SYT14: variants seen among roughly 807,000 people sequenced by gnomAD.
SYT14 encodes the protein synaptotagmin 14, also known as synaptotagmin-14.
SYT14 carries 32 observed loss-of-function variants against 74.2 expected under a neutral mutation model. The ratio of observed to expected loss-of-function variants is 0.43; its 90% confidence interval spans 0.33 to 0.58. SYT14 has a LOEUF of 0.58. SYT14 is among the 20% of genes least tolerant of loss of function. SYT14 has a pLI of 0.05. For missense variants in SYT14, 791 were observed against 981.8 expected, an observed-to-expected ratio of 0.81 and a Z score of 2.60; for synonymous variants, 298 against 337.7, an observed-to-expected ratio of 0.88 and a Z score of 1.29.
intron 5 of SYT14, among the ~76,000 whole-genome samples, chr1:210,090,725 C>T (rs1394025470): frequency 1.3e-5 from 2 of 151,962 alleles, no homozygotes; most frequent in Admixed American, 6.5e-5. Context: ...TTGATGTTTA[C>T]AGTGTAATTT....
At chr1:210,053,661 G>A (rs2081043971) in intron 5 of SYT14, among the ~76,000 whole-genome samples, 1 of 152,120 alleles carries the variant, frequency 6.6e-6, no homozygotes, top group Non-Finnish European at 1.5e-5. Flanking sequence ...GCATTCATTA[G>A]GTAATTTTGT....
chr1:209,971,051 A>G (rs1464990110), intron 2 of SYT14, among the ~76,000 whole-genome samples: 4 of 152,066 alleles, frequency 2.6e-5, no homozygotes, highest in Admixed American at 2.0e-4. Flanking sequence ...TGTATCATCT[A>G]TGATTTCTTT....
intron 5 of SYT14, among the ~76,000 whole-genome samples, chr1:210,093,398 G>C (rs981715532): frequency 2.1e-5 from 3 of 145,086 alleles, no homozygotes; most frequent in Non-Finnish European, 4.4e-5. Flanking sequence ...TTAATGTTTA[G>C]TATTGCATTC....
At chr1:210,039,697 A>G (rs889680770) in intron 5 of SYT14, among the ~76,000 whole-genome samples, 6 of 152,162 alleles carry the variant, frequency 3.9e-5, no homozygotes, top group Non-Finnish European at 7.4e-5. Flanking sequence ...AAAACAAACA[A>G]CTTCATCGAA....
intron 5 of SYT14, among the ~76,000 whole-genome samples, chr1:210,077,554 T>G (rs964451659): frequency 2.6e-5 from 4 of 152,222 alleles, no homozygotes; most frequent in Non-Finnish European, 5.9e-5. Context: ...TGTGAATATA[T>G]GTACAAAAAA....
At chr1:210,152,516 A>G (rs1246537834) in intron 7 of SYT14, among the ~76,000 whole-genome samples, 3 of 152,140 alleles carry the variant, frequency 2.0e-5, no homozygotes, top group Non-Finnish European at 4.4e-5. Context: ...TCATTTGTGT[A>G]TACTGTGTCT....
chr1:210,129,694 G>C (rs1558209503), intron 7 of SYT14, among the ~76,000 whole-genome samples: 1 of 152,290 alleles, frequency 6.6e-6, no homozygotes. Context: ...GAATTAGGCA[G>C]AATTTTCTGC....
At chr1:210,105,473 C>T (rs557009331) in intron 7 of SYT14, among the ~76,000 whole-genome samples, 29 of 152,272 alleles carry the variant, frequency 1.9e-4, no homozygotes, top group Non-Finnish European at 4.0e-4. Context: ...GTTGCCAATC[C>T]AAAATCGATA....
rs966341498 is a variant in SYT14, at chr1:209,964,317, T to C, written c.-486+11561T>C. Among the ~76,000 whole-genome samples the C allele has an allele frequency of 1.3e-5, 2 of 152,170 alleles. 1 individual carries two copies. Among genetic ancestry groups the C allele is most frequent in the East Asian group, 3.9e-4 (2 of 5,186 alleles). On this transcript the variant is annotated intron_variant, in intron 2 of 9. Coordinates refer to ENST00000637265, the Ensembl canonical transcript of SYT14. ...CAGCCGTGTAGAACTGTGAGTCAAT[T>C]AAACTTCCTTTCTTTATAAATTATC...
Position 210,004,897 on chromosome 1 carries a change from C to A in SYT14, c.-485-8736C>A, listed in dbSNP as rs963122109. ...AAAAAGGTAGAATGATATCATTTTG[C>A]AAATGGAGCTACACATTTTTTATTC... On this transcript the variant is annotated intron_variant, in intron 2 of 9. Transcript: ENST00000637265. Among the ~76,000 whole-genome samples, 5 of 151,890 alleles carry A rather than the reference C, an allele frequency of 3.3e-5. No individual in the cohort carries two copies. In the East Asian group the frequency reaches 7.7e-4, roughly 23 times the overall value.
rs146799713 is a variant in SYT14 at position 209,946,497 on chromosome 1, C to T, written c.-533-6212C>T. On this transcript the variant is annotated intron_variant, in intron 1 of 9. Transcript: ENST00000637265. ...CAGATCAAACCAGCCACCACATTCT[C>T]TAAAGCCAAAGCCTAATCCAGAGTA... Among the ~76,000 whole-genome samples the T allele has an allele frequency of 3.1e-3, 465 of 152,344 alleles. 10 individuals carry two copies. Among genetic ancestry groups the T allele is most frequent in the Admixed American group, 0.026 (403 of 15,296 alleles).
chr1:210,163,003 C>CAACAGTATGAA (rs2083403750), exon 10 of SYT14: 1 of 452,940 alleles, frequency 2.2e-6, no homozygotes, highest in Admixed American at 2.4e-5. Context: ...GTGTTTTCAG[C>CAACAGTATGAA]AACAGTATGA....
At chr1:210,048,136 A>G (rs1429641148) in intron 5 of SYT14, among the ~76,000 whole-genome samples, 2 of 152,152 alleles carry the variant, frequency 1.3e-5, no homozygotes, top group Non-Finnish European at 2.9e-5. Context: ...GACTAAATCA[A>G]TTATTACCTT....
chr1:209,996,826 A>G (rs2079807059), intron 2 of SYT14, among the ~76,000 whole-genome samples: 1 of 152,182 alleles, frequency 6.6e-6, no homozygotes, highest in Non-Finnish European at 1.5e-5. Context: ...TAAATCAAAA[A>G]ATGTGATTCA....
intron 3 of SYT14, among the ~76,000 whole-genome samples, chr1:210,015,501 C>T (rs977322588): frequency 1.3e-5 from 2 of 152,186 alleles, no homozygotes; most frequent in Non-Finnish European, 2.9e-5. Flanking sequence ...CAGGTGTCCA[C>T]ACTTCCTCTC....
At chr1:210,009,387 A>C (rs564126581) in intron 2 of SYT14, among the ~76,000 whole-genome samples, 2 of 152,308 alleles carry the variant, frequency 1.3e-5, no homozygotes, top group East Asian at 3.9e-4. Context: ...TACTGTTTTA[A>C]AATTATAAAT....
At chr1:210,168,588 T>C (rs2083482045) in exon 10 of SYT14, 1 of 152,192 alleles carries the variant, frequency 6.6e-6, no homozygotes, top group African/African-American at 2.4e-5. Context: ...TATTCAGATA[T>C]TGCTAGCAGT....
rs956873158 is a variant in SYT14, at chr1:209,977,606, T to C, written c.-486+24850T>C. ...AGTCTGATGGGCTTCCCTTTGTGGG[T>C]AACCCGACCTTTCTCTCTGGCTGCC... On this transcript the variant is annotated intron_variant, in intron 2 of 9. Coordinates refer to ENST00000637265, the Ensembl canonical transcript of SYT14. Among the ~76,000 whole-genome samples the C allele has an allele frequency of 1.8e-4, 27 of 152,342 alleles. 3 individuals are homozygous for C. Among genetic ancestry groups the C allele is most frequent in the Admixed American group, 1.3e-3 (20 of 15,296 alleles).
intron 1 of SYT14, among the ~76,000 whole-genome samples, chr1:209,945,126 C>A (rs1234766643): frequency 6.6e-6 from 1 of 152,118 alleles, no homozygotes; most frequent in Non-Finnish European, 1.5e-5. Context: ...TACCCTCCAC[C>A]CCCACTCCAG....
Sources: allele counts gnomAD v4.1 joint callset (sites outside exome capture counted in the v4.1 genomes callset), GRCh38; gene constraint gnomAD v4.1.1; transcripts MANE v1.5; gene names NCBI Gene and HGNC (gene_info 2026-07-23, HGNC 2026-07-21).